The following TNNT3 variants were observed in gnomAD, a reference collection of about 807,000 sequenced individuals.
TNNT3 encodes the protein troponin T3, fast skeletal type.
TNNT3 carries 36 observed loss-of-function variants against 54.2 expected under a neutral mutation model. The ratio of observed to expected loss-of-function variants is 0.66; its 90% CI spans 0.51 to 0.88. The LOEUF (loss-of-function observed/expected upper bound fraction) is 0.88. Ranked by LOEUF, TNNT3 falls within the 40% of genes least tolerant of loss-of-function variation. The pLI, the probability that TNNT3 is intolerant of heterozygous loss-of-function variation, is 0.00. For missense variants in TNNT3, 291 were observed against 331.6 expected (o/e 0.88, Z 0.95); for synonymous variants, 120 against 109.7 (o/e 1.09, Z -0.59).
chr11:1,924,907 C>T (rs764473979), intron 4 of TNNT3, 192 bp from the exon 5 acceptor site: 96 of 691,310 alleles, frequency 1.4e-4, no homozygotes, highest in Non-Finnish European at 2.1e-4. Flanking sequence ...GGTGGGAGTC[C>T]GTGCTCCCCG....
intron 3 of TNNT3, 21 bp from the exon 4 acceptor site, chr11:1,923,534 C>T (rs755208612): frequency 3.7e-6 from 6 of 1,614,076 alleles, no homozygotes; most frequent in African/African-American, 1.3e-5. Flanking sequence ...TGGTTCCCCT[C>T]TTTGTTCTGT....
intron 8 of TNNT3, among the ~76,000 whole-genome samples, chr11:1,931,206 C>T (rs574893769): frequency 1.3e-5 from 2 of 152,336 alleles, no homozygotes; most frequent in African/African-American, 4.8e-5. Flanking sequence ...TCCCCTATTG[C>T]AGGCTTTCCC....
At chr11:1,923,660 C>T in intron 4 of TNNT3, 88 bp downstream of exon 4, 1 of 906,080 alleles carries the variant, frequency 1.1e-6, no homozygotes, top group Non-Finnish European at 1.9e-6. Context: ...AACCCCCTCC[C>T]CAGGCTGCTC....
chr11:1,929,399 C>T (rs992891652), intron 7 of TNNT3, among the ~76,000 whole-genome samples: 1 of 152,212 alleles, frequency 6.6e-6, no homozygotes, highest in Non-Finnish European at 1.5e-5. Context: ...GCGGGACCAG[C>T]CAGCAGTGCC....
intron 14 of TNNT3, chr11:1,936,106 C>G: frequency 7.6e-7 from 1 of 1,307,308 alleles, no homozygotes. Context: ...CAGCGGGCCC[C>G]CAGGGGCTCC....
chr11:1,921,877 G>A (rs1201437065), intron 1 of TNNT3, among the ~76,000 whole-genome samples: 4 of 152,194 alleles, frequency 2.6e-5, no homozygotes, highest in South Asian at 2.1e-4. Flanking sequence ...AGGCCTGGCC[G>A]CCCAGTGTGC....
intron 8 of TNNT3, among the ~76,000 whole-genome samples, chr11:1,932,115 C>A (rs960227097): frequency 1.3e-5 from 2 of 152,236 alleles, no homozygotes; most frequent in African/African-American, 4.8e-5. Flanking sequence ...CCCACAGTGG[C>A]CATCGCTTCT....
chr11:1,927,302 C>A (rs1323938351), intron 6 of TNNT3, among the ~76,000 whole-genome samples: 1 of 152,192 alleles, frequency 6.6e-6, no homozygotes, highest in Non-Finnish European at 1.5e-5. Context: ...CTGAGCCAGA[C>A]ACACCCGGAG....
At chr11:1,929,064 G>T in intron 6 of TNNT3, 56 bp from the exon 7 acceptor site, 1 of 1,607,736 alleles carries the variant, frequency 6.2e-7, no homozygotes. Flanking sequence ...CTGCTCCCCC[G>T]CAGCCGCACT....
Position 1,936,986 on chromosome 11 carries a change from T to C in TNNT3, c.705T>C (p.Ile235=). Residue 235 remains isoleucine, a synonymous_variant, in exon 15 of 16, where the codon ATT becomes ATC. Coordinates refer to ENST00000278317, the MANE Select transcript of TNNT3 (RefSeq NM_006757.4). ...AGATCACCACGCTCAGGAGCCGCAT[T>C]GACCAGGCCCAGAAGCAGTGAGTAG... ...KYDITTLRSR[I]DQAQKHSKKA... 6.2e-7 allele frequency: 1 copy of C among 1,606,418 alleles called. No individual in the cohort carries two copies. Among genetic ancestry groups the C allele is most frequent in the Non-Finnish European group, 8.5e-7 (1 of 1,177,680 alleles).
chr11:1,932,419 G>A (rs1853656609), intron 8 of TNNT3, 50 bp from the exon 9 acceptor site: 41 of 1,583,672 alleles, frequency 2.6e-5, no homozygotes, highest in Non-Finnish European at 3.5e-5. Context: ...CTGACCCTCT[G>A]GGGTGGGTCT....
At chr11:1,935,404 A>G in intron 14 of TNNT3, 1 of 276,898 alleles carries the variant, frequency 3.6e-6, no homozygotes, top group Non-Finnish European at 7.1e-6. Context: ...GCAGACAGAG[A>G]GGGGTGACAC....
chr11:1,934,012 AG>A lies in TNNT3; in HGVS notation c.366+7del. ...GGAGCGCCAGAACAGACTGGCGGTG[AG>A]GGCACCATCCGCACTGCTGCCTCAT... On this transcript the variant is annotated splice_donor_5th_base_variant and intron_variant, in intron 11 of 15. Coordinates refer to ENST00000278317, the MANE Select transcript of TNNT3 (RefSeq NM_006757.4). 2 of 1,611,224 alleles carry A rather than the reference AG, an allele frequency of 1.2e-6. No homozygotes were observed. The highest frequency in any genetic ancestry group is 1.7e-6 in the Non-Finnish European group (2 of 1,179,386).
chr11:1,928,827 C>G (rs1438483306), intron 6 of TNNT3, among the ~76,000 whole-genome samples: 1 of 55,640 alleles, frequency 1.8e-5, no homozygotes, highest in Non-Finnish European at 4.2e-5. Flanking sequence ...GACCCAGTGC[C>G]CTTAGCCCCC....
At chr11:1,929,538 G>A (rs1465435894) in intron 7 of TNNT3, among the ~76,000 whole-genome samples, 3 of 152,110 alleles carry the variant, frequency 2.0e-5, no homozygotes, top group African/African-American at 7.2e-5. Context: ...GGCCTGTCTC[G>A]CTCCTATTTC....
intron 5 of TNNT3, 76 bp from the exon 6 acceptor site, chr11:1,926,619 C>A: frequency 6.2e-7 from 1 of 1,610,732 alleles, no homozygotes; most frequent in South Asian, 1.1e-5. Flanking sequence ...GCCCGCCCTC[C>A]TCTCTGCGCT....
At chr11:1,925,450 A>C in intron 5 of TNNT3, 1 of 715,854 alleles carries the variant, frequency 1.4e-6, no homozygotes, top group Non-Finnish European at 2.4e-6. Context: ...GCTTGACCAG[A>C]GAGAGAATGG....
At chr11:1,929,624 T>C (rs1414279340) in intron 7 of TNNT3, among the ~76,000 whole-genome samples, 186 bp from the exon 8 acceptor site, 1 of 152,236 alleles carries the variant, frequency 6.6e-6, no homozygotes, top group African/African-American at 2.4e-5. Context: ...CAGGGGCTTT[T>C]GCAGGCCTAG....
chr11:1,934,761 G>A, intron 13 of TNNT3, 68 bp from the exon 14 acceptor site: 1 of 1,596,530 alleles, frequency 6.3e-7, no homozygotes, highest in African/African-American at 1.3e-5. Context: ...GGCTGCAGGA[G>A]GACTCCAGGG....
Sources: gnomAD v4.1 joint callset for allele counts (sites outside exome capture counted in the v4.1 genomes callset) on GRCh38, gnomAD v4.1.1 for gene constraint, MANE v1.5 for transcripts, NCBI Gene and HGNC (gene_info 2026-07-23, HGNC 2026-07-21) for gene names.